The following SMCO2 variants were observed in gnomAD, a reference collection of about 807,000 sequenced individuals.
SMCO2 encodes the protein single-pass membrane and coiled-coil domain-containing protein 2.
A neutral mutation model predicts 29.5 loss-of-function variants in SMCO2; 25 were observed. The observed-to-expected ratio is 0.85, with a 90% CI of 0.62 to 1.18. The LOEUF (loss-of-function observed/expected upper bound fraction) is 1.18, where lower values mean the gene tolerates loss of function less well. Ranked by LOEUF, SMCO2 falls within the 50% of genes most tolerant of loss-of-function variation. The pLI, the probability that SMCO2 is intolerant of heterozygous loss-of-function variation, is 0.00. For synonymous variants in SMCO2, 117 were observed against 123.3 expected, an observed-to-expected ratio of 0.95 and a Z score of 0.34; for missense variants, 348 against 344.5, an observed-to-expected ratio of 1.01 and a Z score of -0.08.
At chr12:27,437,415 T>A in the SMCO2 span, among the ~76,000 whole-genome samples, 7 of 152,178 alleles carry the variant, frequency 4.6e-5, no homozygotes, top group African/African-American at 1.4e-4. Flanking sequence ...TTGGACTTTT[T>A]AGGTAAAGCA....
At chr12:27,426,690 G>A in the SMCO2 span, among the ~76,000 whole-genome samples, 2 of 152,094 alleles carry the variant, frequency 1.3e-5, no homozygotes, top group African/African-American at 4.8e-5. Context: ...AAATTCCTGA[G>A]ACTATATAGC....
At chr12:27,425,576 C>T in the SMCO2 span, among the ~76,000 whole-genome samples, 1 of 152,132 alleles carries the variant, frequency 6.6e-6, no homozygotes, top group Non-Finnish European at 1.5e-5. Context: ...CTTTGCTTTC[C>T]TATGAGCTGG....
the SMCO2 span, among the ~76,000 whole-genome samples, chr12:27,447,498 C>A: frequency 6.6e-6 from 1 of 152,104 alleles, no homozygotes; most frequent in African/African-American, 2.4e-5. Context: ...TGGCTCACAC[C>A]TGTAATCCCA....
intron 5 of SMCO2, among the ~76,000 whole-genome samples, chr12:27,493,421 A>T (rs1942954366): frequency 6.6e-6 from 1 of 152,094 alleles, no homozygotes; most frequent in South Asian, 2.1e-4. Context: ...AGTCCCAACT[A>T]CTCAGGAGAC....
At chr12:27,443,658 A>G in the SMCO2 span, among the ~76,000 whole-genome samples, 358 of 152,342 alleles carry the variant, frequency 2.3e-3, no homozygotes, top group African/African-American at 8.1e-3. Context: ...GATAAATTCA[A>G]TAAAGGTGCA....
At chr12:27,497,996 C>A in intron 7 of SMCO2, 1 of 291,548 alleles carries the variant, frequency 3.4e-6, no homozygotes, top group Non-Finnish European at 6.9e-6. Context: ...TGAAACAGTT[C>A]ATCTCGTAGA....
chr12:27,449,315 T>A, the SMCO2 span, among the ~76,000 whole-genome samples: 11 of 152,366 alleles, frequency 7.2e-5, no homozygotes, highest in East Asian at 9.6e-4. Context: ...GAACAAACAT[T>A]TCATACTTTC....
the SMCO2 span, among the ~76,000 whole-genome samples, chr12:27,437,974 G>A: frequency 5.9e-5 from 9 of 152,174 alleles, no homozygotes; most frequent in African/African-American, 1.9e-4. Context: ...TTTCTCCAGT[G>A]ACCACCCTCC....
At chr12:27,490,517 A>G (rs780204938) in intron 5 of SMCO2, among the ~76,000 whole-genome samples, 6 of 152,194 alleles carry the variant, frequency 3.9e-5, no homozygotes, top group Non-Finnish European at 8.8e-5. Context: ...TATGTAAATT[A>G]TATCTCAATA....
intron 7 of SMCO2, among the ~76,000 whole-genome samples, chr12:27,501,067 A>G (rs1348275493): frequency 3.3e-5 from 5 of 150,622 alleles, no homozygotes; most frequent in Middle Eastern, 3.2e-3. Context: ...TTAGAATCAT[A>G]TCAATAAAAT....
chr12:27,474,775 A>G lies in SMCO2; in HGVS notation c.235-11A>G. ...TTTGTTCTGCTTTGCTTCCATCATC[A>G]TCTTTACCAGGGTATGTTGGAGCTA... On this transcript the variant is annotated splice_polypyrimidine_tract_variant and intron_variant, in intron 3 of 7. Coordinates refer to ENST00000298876, the Ensembl canonical transcript of SMCO2. 2 of 1,551,434 alleles carry G rather than the reference A, an allele frequency of 1.3e-6. No individual in the cohort carries two copies. The highest frequency in any genetic ancestry group is 2.4e-5 in the East Asian group (1 of 40,922).
chr12:27,468,658 A>G (rs564200860), intron 1 of SMCO2, among the ~76,000 whole-genome samples: 1 of 152,346 alleles, frequency 6.6e-6, no homozygotes, highest in African/African-American at 2.4e-5. Flanking sequence ...CAACACAGGA[A>G]GTTCTATTGG....
upstream of SMCO2, among the ~76,000 whole-genome samples, chr12:27,464,414 G>A (rs78531040): frequency 0.029 from 4,341 of 152,134 alleles, 95 homozygotes; most frequent in Non-Finnish European, 0.046. Flanking sequence ...GAGTTAACCA[G>A]AGACTCAGAA....
chr12:27,480,701 T>TC (rs927284930), intron 4 of SMCO2, among the ~76,000 whole-genome samples: 5 of 150,538 alleles, frequency 3.3e-5, no homozygotes, highest in Non-Finnish European at 5.9e-5. Flanking sequence ...GTGGCACCTC[T>TC]CCCCCCCCTC....
chr12:27,497,097 CTTGTCTAACAGTTTCACCTCCTAT>C, intron 7 of SMCO2: 1 of 156,098 alleles, frequency 6.4e-6, no homozygotes, highest in Middle Eastern at 6.4e-4. Flanking sequence ...AAATTTCCAG[CTTGTCTAACAGTTTCACCTCCTAT>C]TGGAAATCTT....
At chr12:27,482,962 A>G (rs1013270988) in intron 4 of SMCO2, among the ~76,000 whole-genome samples, 2 of 152,194 alleles carry the variant, frequency 1.3e-5, no homozygotes, top group Non-Finnish European at 2.9e-5. Flanking sequence ...TCTGGCCTCA[A>G]GCAATCCTCC....
the SMCO2 span, chr12:27,446,766 G>T: frequency 0.74 from 111,754 of 151,418 alleles, 41,923 homozygotes; most frequent in African/African-American, 0.85. Flanking sequence ...TGTACCTGAG[G>T]CCCTTGGGGA....
At chr12:27,437,381 G>T in the SMCO2 span, among the ~76,000 whole-genome samples, 1 of 152,068 alleles carries the variant, frequency 6.6e-6, no homozygotes, top group South Asian at 2.1e-4. Context: ...TAATGGCAAT[G>T]ATTTATCATT....
At chr12:27,462,288 T>C (rs1249481357), upstream of SMCO2, among the ~76,000 whole-genome samples, 1 of 152,198 alleles carries the variant, frequency 6.6e-6, no homozygotes, top group Non-Finnish European at 1.5e-5. Context: ...TTCCAAGAAC[T>C]TTCTTTACTA....
Sources: gnomAD v4.1 joint callset for allele counts (sites outside exome capture counted in the v4.1 genomes callset) on GRCh38, gnomAD v4.1.1 for gene constraint, MANE v1.5 for transcripts, NCBI Gene and HGNC (gene_info 2026-07-23, HGNC 2026-07-21) for gene names.